Variants in FOXK1 observed in about 807,000 individuals in gnomAD.
FOXK1 encodes forkhead box K1.
Under a neutral mutation model 51.9 loss-of-function variants are expected in FOXK1, and 19 were observed. That is an observed-to-expected ratio of 0.37 (90% confidence interval 0.26 to 0.54). The LOEUF is 0.54. FOXK1 is among the 20% of genes least tolerant of loss of function. FOXK1 has a pLI of 0.87. For synonymous variants in FOXK1, 537 were observed against 482.6 expected, an observed-to-expected ratio of 1.11 and a Z score of -1.48; for missense variants, 870 against 1,032.7, an observed-to-expected ratio of 0.84 and a Z score of 2.16.
At position 4,682,326 on chromosome 7, in the gene FOXK1, G is replaced by A. The variant is rs1321595381; in HGVS notation, c.18G>A (p.Glu6=). Reference sequence around the variant, plus strand: ...GCGCGAACATGGCCGAAGTCGGCGAGGACAGCGGCGCCCGCGCCCTGCTCG... The same window carrying A: ...GCGCGAACATGGCCGAAGTCGGCGAAGACAGCGGCGCCCGCGCCCTGCTCG... The part of the protein sequence containing the change: MAEVG[E]DSGARALLAL... Residue 6 remains glutamate, a synonymous_variant, in exon 1 of 9, where the codon GAG becomes GAA. Coordinates refer to ENST00000328914, the MANE Select transcript of FOXK1 (RefSeq NM_001037165.2). The surrounding 1 kb of genome is among the most constrained non-coding windows in gnomAD (Gnocchi z 7.6). The A allele has an allele frequency of 1.0e-6, 1 of 994,174 alleles. No individual in the cohort carries two copies. The highest frequency in any genetic ancestry group is 1.2e-6 in the Non-Finnish European group (1 of 838,040). 61.6% of individuals were successfully genotyped at this position (994,174 alleles called of 1,614,324 possible).
At chr7:4,716,525 A>G (rs921012527) in intron 1 of FOXK1, among the ~76,000 whole-genome samples, 1 of 152,118 alleles carries the variant, frequency 6.6e-6, no homozygotes, top group Non-Finnish European at 1.5e-5. Context: ...AAGAGAAAAG[A>G]AATACAAACC....
rs1318013507 is a variant in FOXK1, at chr7:4,731,002, A to G, written c.561-9836A>G. ...GGCAACATAACAAGACCCTGTCTCT[A>G]CAAAAAATCAAAACCATTTGCTGAA... On this transcript the variant is annotated intron_variant, in intron 1 of 8. Transcript: ENST00000328914. The surrounding 1 kb of genome is among the most constrained non-coding windows in gnomAD (Gnocchi z 5.3). 1.3e-5 allele frequency among the ~76,000 whole-genome samples: 2 copies of G among 152,050 alleles called. No individual in the cohort carries two copies. Among genetic ancestry groups the G allele is most frequent in the East Asian group, 3.9e-4 (2 of 5,180 alleles).
chr7:4,756,796 G>T lies in FOXK1; in HGVS notation c.1051-198G>T, dbSNP rs533011699. On this transcript the variant is annotated intron_variant, in intron 4 of 8. Coordinates refer to ENST00000328914, the MANE Select transcript of FOXK1 (RefSeq NM_001037165.2). The surrounding 1 kb of genome is among the most constrained non-coding windows in gnomAD (Gnocchi z 4.1). ...AAAAAAGGTAAAATGGTAATTATGC[G>T]GTGTCAAATTTTGATAGGAATGACC... Among the ~76,000 whole-genome samples, 1 of 151,880 alleles carries T rather than the reference G, an allele frequency of 6.6e-6. No homozygotes were observed. Among genetic ancestry groups the T allele is most frequent in the African/African-American group, 2.4e-5 (1 of 41,374 alleles).
chr7:4,688,001 G>T (rs1278290643), intron 1 of FOXK1, among the ~76,000 whole-genome samples: 1 of 152,028 alleles, frequency 6.6e-6, no homozygotes, highest in African/African-American at 2.4e-5. Context: ...TAAAGTGTTG[G>T]GATTACAGGC....
In FOXK1 at chr7:4,733,780, G is replaced by T. The variant is rs545730718; in HGVS notation, c.561-7058G>T. ...CTCTTGGGTCTGCTGTTTCTCTCAC[G>T]GGAGAGGCTGCTCTGAGGTCCCCGA... On this transcript the variant is annotated intron_variant, in intron 1 of 8. Coordinates refer to ENST00000328914, the MANE Select transcript of FOXK1 (RefSeq NM_001037165.2). This position sits in a 1 kb window ranked among gnomAD's most constrained non-coding sequence, Gnocchi z 5.0. Among the ~76,000 whole-genome samples the T allele has an allele frequency of 6.6e-6, 1 of 152,310 alleles. No homozygotes were observed. The highest frequency in any genetic ancestry group is 1.5e-5 in the Non-Finnish European group (1 of 68,024).
At chr7:4,686,993 C>T (rs903397107) in intron 1 of FOXK1, among the ~76,000 whole-genome samples, 8 of 149,008 alleles carry the variant, frequency 5.4e-5, no homozygotes, top group East Asian at 2.0e-4. Flanking sequence ...AGTGCAGTGG[C>T]GCGAACTTGG....
intron 1 of FOXK1, among the ~76,000 whole-genome samples, chr7:4,725,500 T>C (rs1473867388): frequency 6.6e-6 from 1 of 152,242 alleles, no homozygotes; most frequent in Non-Finnish European, 1.5e-5. Context: ...CGGGGCCAGA[T>C]GTCCGCTTTC....
chr7:4,691,459 C>T (rs888380948), intron 1 of FOXK1, among the ~76,000 whole-genome samples: 1 of 152,112 alleles, frequency 6.6e-6, no homozygotes, highest in Admixed American at 6.6e-5. Flanking sequence ...CCCAGCCTCC[C>T]GAGTAGCTGG....
Position 4,762,410 on chromosome 7 carries a change from A to T in FOXK1, c.2148A>T (p.Thr716=), listed in dbSNP as rs1385661491. 2 of 1,549,902 alleles carry T rather than the reference A, an allele frequency of 1.3e-6. No individual in the cohort carries two copies. Among genetic ancestry groups the T allele is most frequent in the Non-Finnish European group, 8.7e-7 (1 of 1,147,578 alleles). Residue 716 remains threonine (T), a synonymous_variant, in exon 9 of 9, where the codon ACA becomes ACT. Coordinates refer to ENST00000328914, the MANE Select transcript of FOXK1 (RefSeq NM_001037165.2). The surrounding 1 kb of genome is among the most constrained non-coding windows in gnomAD (Gnocchi z 5.7). ...AGGAGCCCAGTGGTGCTGTAACCAC[A>T]CCGGCTGGAGTGATCGCAGCTGCCG... is the stretch of plus-strand genomic sequence containing the variant. ...RVEEPSGAVT[T]PAGVIAAAGP...
chr7:4,705,972 ACG>A (rs1274427439), intron 1 of FOXK1, among the ~76,000 whole-genome samples: 3 of 73,518 alleles, frequency 4.1e-5, no homozygotes, highest in African/African-American at 1.9e-4. Context: ...ATATATATAT[ACG>A]TATATATACG....
rs1481839274 is a variant in FOXK1, at chr7:4,766,881, G to A, written c.*4417G>A. Reference sequence around the variant, plus strand: ...TGAGGGCTCCGTCTTGAGAGAGAGAGAAATCCCTTCTTTGGGCGATTCAGT... The same window carrying A: ...TGAGGGCTCCGTCTTGAGAGAGAGAAAAATCCCTTCTTTGGGCGATTCAGT... On this transcript the variant is annotated 3_prime_UTR_variant, in exon 9 of 9. Coordinates refer to ENST00000328914, the MANE Select transcript of FOXK1 (RefSeq NM_001037165.2). This position sits in a 1 kb window ranked among gnomAD's most constrained non-coding sequence, Gnocchi z 5.5. 1 of 152,108 alleles carries A rather than the reference G, an allele frequency of 6.6e-6. No homozygotes were observed. Among genetic ancestry groups the A allele is most frequent in the African/African-American group, 2.4e-5 (1 of 41,338 alleles). 9.4% of individuals were successfully genotyped at this position (152,108 alleles called of 1,614,324 possible).
rs1282720090 is a variant in FOXK1 at position 4,766,215 on chromosome 7, C to T, written c.*3751C>T. The T allele has an allele frequency of 6.6e-6, 1 of 151,892 alleles. No individual in the cohort carries two copies. The allele number at this position is 151,892 out of a possible 1,614,324, so 9.4% of individuals were successfully genotyped here. ...AAAAACCTCAACGTTAATCCCTCACCAGTCGGGCCGAGTGTGGCCTCATGG... is the reference window on the plus strand; with the variant it reads ...AAAAACCTCAACGTTAATCCCTCACTAGTCGGGCCGAGTGTGGCCTCATGG... On this transcript the variant is annotated 3_prime_UTR_variant, in exon 9 of 9. Transcript: ENST00000328914. The surrounding 1 kb of genome is among the most constrained non-coding windows in gnomAD (Gnocchi z 5.5).
intron 1 of FOXK1, among the ~76,000 whole-genome samples, chr7:4,689,751 G>A (rs1294819736): frequency 6.6e-6 from 1 of 152,204 alleles, no homozygotes; most frequent in Non-Finnish European, 1.5e-5. Context: ...AATGGGAAAA[G>A]TGCCCCAGAC....
chr7:4,723,018 G>A lies in FOXK1; in HGVS notation c.561-17820G>A, dbSNP rs114309509. ...ATCTGAGATCCAGACAAGAGGCAGC[G>A]CTGGGTTCAGATCACCACACAACCT... On this transcript the variant is annotated intron_variant, in intron 1 of 8. Coordinates refer to ENST00000328914, the MANE Select transcript of FOXK1 (RefSeq NM_001037165.2). This position sits in a 1 kb window ranked among gnomAD's most constrained non-coding sequence, Gnocchi z 4.7. 6.2e-3 allele frequency among the ~76,000 whole-genome samples: 943 copies of A among 152,114 alleles called. 12 individuals carry two copies. The highest frequency in any genetic ancestry group is 0.022 in the African/African-American group (902 of 41,494).
chr7:4,693,716 C>G (rs1026057627), intron 1 of FOXK1, among the ~76,000 whole-genome samples: 5 of 152,032 alleles, frequency 3.3e-5, no homozygotes, highest in Non-Finnish European at 7.4e-5. Context: ...GGAGTAAAGT[C>G]AGTAACAGAA....
chr7:4,757,655 A>G (rs1173487201), intron 5 of FOXK1, among the ~76,000 whole-genome samples: 1 of 148,650 alleles, frequency 6.7e-6, no homozygotes, highest in East Asian at 1.9e-4. Context: ...AAAAAAAAAA[A>G]AAAAAAAAAG....
chr7:4,751,060 G>A (rs370138038), intron 2 of FOXK1, among the ~76,000 whole-genome samples: 27 of 139,802 alleles, frequency 1.9e-4, no homozygotes, highest in African/African-American at 7.1e-4. Context: ...TGTCGCCCAG[G>A]CTGGAGTGCA....
chr7:4,714,910 T>G (rs1583191889), intron 1 of FOXK1, among the ~76,000 whole-genome samples: 1 of 152,194 alleles, frequency 6.6e-6, no homozygotes, highest in African/African-American at 2.4e-5. Context: ...CATGCTTTTG[T>G]GTGCTTTTGG....
intron 1 of FOXK1, among the ~76,000 whole-genome samples, chr7:4,699,316 T>C: frequency 6.9e-6 from 1 of 145,794 alleles, no homozygotes. Context: ...ACAGTCTCAC[T>C]CTGTCACCCA....
Sources: gnomAD v4.1 joint callset for allele counts (sites outside exome capture counted in the v4.1 genomes callset) on GRCh38, gnomAD v4.1.1 for gene constraint, Gnocchi (gnomAD v3.1) non-coding constraint, MANE v1.5 for transcripts, NCBI Gene and HGNC (gene_info 2026-07-23, HGNC 2026-07-21) for gene names.